WDR19: variants seen among roughly 807,000 people sequenced by gnomAD.
WDR19 encodes WD repeat-containing protein 19.
A neutral mutation model predicts 180.0 loss-of-function variants in WDR19; 121 were observed. The observed-to-expected ratio is 0.67, with a 90% CI of 0.58 to 0.78. The LOEUF (loss-of-function observed/expected upper bound fraction) is 0.78, where lower values mean the gene tolerates loss of function less well. Ranked by LOEUF, WDR19 falls within the 30% of genes least tolerant of loss-of-function variation. The pLI is 0.00. For synonymous variants in WDR19, 497 were observed against 540.7 expected, an observed-to-expected ratio of 0.92 and a Z score of 1.12; for missense variants, 1,450 against 1,640.7, an observed-to-expected ratio of 0.88 and a Z score of 2.01.
chr4:39,273,411 A>C (rs1012457607), intron 32 of WDR19: 5 of 262,644 alleles, frequency 1.9e-5, no homozygotes, highest in Admixed American at 5.9e-5. Context: ...TAACTCCTCC[A>C]CGACTGACTT....
At chr4:39,259,086 GAA>G (rs1256267192) in intron 28 of WDR19, among the ~76,000 whole-genome samples, 4 of 152,082 alleles carry the variant, frequency 2.6e-5, no homozygotes, top group Admixed American at 6.6e-5. Context: ...AAAAAAAACA[GAA>G]AAGAAATCTC....
intron 1 of WDR19, among the ~76,000 whole-genome samples, chr4:39,183,175 G>A (rs1725130814): frequency 6.7e-6 from 1 of 150,062 alleles, no homozygotes; most frequent in Non-Finnish European, 1.5e-5. Context: ...TCTAGGCTTG[G>A]GCTTCTTGTT....
chr4:39,275,268 A>T, intron 33 of WDR19: 2 of 345,886 alleles, frequency 5.8e-6, no homozygotes, highest in Non-Finnish European at 1.1e-5. Context: ...TGAACCCGGG[A>T]GGCAGAGGTT....
At chr4:39,223,636 C>T (rs1311207646) in intron 14 of WDR19, among the ~76,000 whole-genome samples, 1 of 152,196 alleles carries the variant, frequency 6.6e-6, no homozygotes, top group African/African-American at 2.4e-5. Flanking sequence ...GCCACCACGC[C>T]TGGCCAAATA....
intron 7 of WDR19, 134 bp downstream of exon 7, chr4:39,203,856 C>A: frequency 1.1e-6 from 1 of 870,164 alleles, no homozygotes; most frequent in Non-Finnish European, 1.8e-6. Context: ...CAAGGTAGAG[C>A]TAGGTCTTTT....
intron 30 of WDR19, 80 bp downstream of exon 30, chr4:39,268,171 G>A (rs1030099607): frequency 6.8e-5 from 85 of 1,251,448 alleles, no homozygotes; most frequent in Non-Finnish European, 8.9e-5. Context: ...GTAGGAAAGA[G>A]TAGCCCCTAC....
At position 39,253,179 on chromosome 4, in the gene WDR19, A is replaced by G; in HGVS notation, c.2763A>G (p.Ala921=). ...YKEAVVAYEN[A]KQWQSVIRIY... ...AAGCTGTTGTAGCTTATGAAAATGC[A>G]AAACAGTGGCAAAGTGTAATCCGCA... The change falls in exon 25 of 37, where the codon GCA becomes GCG. Residue 921 remains alanine (A), a synonymous_variant. Transcript: ENST00000399820. 1 of 1,610,472 alleles carries G rather than the reference A, an allele frequency of 6.2e-7. No individual in the cohort carries two copies. The highest frequency in any genetic ancestry group is 8.5e-7 in the Non-Finnish European group (1 of 1,178,982).
intron 19 of WDR19, among the ~76,000 whole-genome samples, chr4:39,233,328 A>C (rs1731071244): frequency 6.6e-6 from 1 of 152,188 alleles, no homozygotes; most frequent in Non-Finnish European, 1.5e-5. Context: ...AGGGGCATAG[A>C]CTTCACAGTC....
intron 9 of WDR19, among the ~76,000 whole-genome samples, chr4:39,214,051 C>T (rs892243490): frequency 1.3e-5 from 2 of 152,152 alleles, no homozygotes; most frequent in Non-Finnish European, 2.9e-5. Flanking sequence ...TACTACACAA[C>T]TTTCATTTAC....
chr4:39,227,943 C>A (rs1730443188), intron 15 of WDR19, among the ~76,000 whole-genome samples: 1 of 152,092 alleles, frequency 6.6e-6, no homozygotes, highest in South Asian at 2.1e-4. Flanking sequence ...TAACCTGAAG[C>A]TTTGTGTCTA....
intron 36 of WDR19, among the ~76,000 whole-genome samples, chr4:39,279,181 C>G (rs1230550448): frequency 6.6e-6 from 1 of 152,170 alleles, no homozygotes; most frequent in African/African-American, 2.4e-5. Flanking sequence ...AATTGAGAAG[C>G]CAAAAGCCGT....
At chr4:39,262,359 C>T (rs185579735) in intron 28 of WDR19, among the ~76,000 whole-genome samples, 2 of 152,260 alleles carry the variant, frequency 1.3e-5, no homozygotes, top group East Asian at 1.9e-4. Flanking sequence ...ATTCTCCCAC[C>T]TTAGCCTCCC....
chr4:39,244,135 T>A, intron 21 of WDR19, 113 bp from the exon 22 acceptor site: 2 of 1,266,644 alleles, frequency 1.6e-6, no homozygotes, highest in Non-Finnish European at 2.1e-6. Context: ...CCTGAAAAGA[T>A]AAAAGTAAAC....
chr4:39,272,653 C>G (rs1735481468), intron 31 of WDR19, among the ~76,000 whole-genome samples: 1 of 152,254 alleles, frequency 6.6e-6, no homozygotes, highest in Non-Finnish European at 1.5e-5. Flanking sequence ...ATTCCTGACT[C>G]ACACAGCTTT....
chr4:39,274,898 G>C lies in WDR19; in HGVS notation c.3656G>C (p.Arg1219Thr). The change falls in exon 33 of 37, where the codon AGG (arginine) becomes ACG (threonine). Residue 1219 changes from arginine (R) to threonine (T), a missense_variant. Arg to Thr is a moderately conservative substitution (Grantham distance 71, BLOSUM62 -1). Coordinates refer to ENST00000399820, the MANE Select transcript of WDR19 (RefSeq NM_025132.4). ...SAFSFAAMLM[R>T]PEYRSKIDAK... Reference sequence around the variant, plus strand: ...TTCAGCTTCGCAGCTATGTTGATGAGGCCTGAATACCGCAGCAAAATAGAT... The same window carrying C: ...TTCAGCTTCGCAGCTATGTTGATGACGCCTGAATACCGCAGCAAAATAGAT... 6.2e-7 allele frequency: 1 copy of C among 1,614,012 alleles called. No individual in the cohort carries two copies. Among genetic ancestry groups the C allele is most frequent in the Admixed American group, 1.7e-5 (1 of 60,024 alleles).
chr4:39,233,178 A>G (rs1478334748), intron 19 of WDR19, among the ~76,000 whole-genome samples: 4 of 152,170 alleles, frequency 2.6e-5, no homozygotes, highest in Non-Finnish European at 5.9e-5. Context: ...GTTGTGTATT[A>G]AAAGGTGAGC....
intron 32 of WDR19, 36 bp downstream of exon 32, chr4:39,273,097 C>A (rs745907147): frequency 2.0e-6 from 3 of 1,501,192 alleles, no homozygotes; most frequent in South Asian, 1.3e-5. Flanking sequence ...ACCCATGCCC[C>A]ATGCCCCATG....
intron 9 of WDR19, 191 bp downstream of exon 9, chr4:39,205,927 A>G: frequency 1.7e-6 from 1 of 574,720 alleles, no homozygotes; most frequent in Non-Finnish European, 2.9e-6. Context: ...CAATCTTAAA[A>G]ATAAAATAGG....
intron 3 of WDR19, 46 bp from the exon 4 acceptor site, chr4:39,189,610 T>G: frequency 6.8e-7 from 1 of 1,480,784 alleles, no homozygotes; most frequent in Non-Finnish European, 9.0e-7. Flanking sequence ...ATAGTAATTT[T>G]ACTTTAAAAA....
Sources: allele counts gnomAD v4.1 joint callset (sites outside exome capture counted in the v4.1 genomes callset), GRCh38; gene constraint gnomAD v4.1.1; transcripts MANE v1.5; gene names NCBI Gene and HGNC (gene_info 2026-07-23, HGNC 2026-07-21).